TRAPPC9: variants seen among roughly 807,000 people sequenced by gnomAD.
TRAPPC9 encodes trafficking protein particle complex subunit 9, also known as IKK2 binding protein.
A neutral mutation model predicts 124.0 loss-of-function variants in TRAPPC9; 83 were observed. The ratio of observed to expected loss-of-function variants is 0.67; its 90% CI spans 0.56 to 0.80. The LOEUF is 0.80. Among genes scored for constraint, TRAPPC9 ranks in the 30% least tolerant of loss-of-function variants. The pLI, the probability that TRAPPC9 is intolerant of heterozygous loss-of-function variation, is 0.00. For synonymous variants in TRAPPC9, 638 were observed against 617.5 expected (o/e 1.03, Z -0.49); for missense variants, 1,302 against 1,508.3 (o/e 0.86, Z 2.27).
At chr8:139,971,334 C>G (rs1298399434) in intron 19 of TRAPPC9, among the ~76,000 whole-genome samples, 1 of 152,200 alleles carries the variant, frequency 6.6e-6, no homozygotes, top group African/African-American at 2.4e-5. Context: ...GCCTCGGGAA[C>G]CCAGTGTGCT....
At chr8:139,764,581 T>C (rs1253385963) in intron 21 of TRAPPC9, among the ~76,000 whole-genome samples, 1 of 152,226 alleles carries the variant, frequency 6.6e-6, no homozygotes, top group Non-Finnish European at 1.5e-5. Flanking sequence ...GAGGTGGTTC[T>C]GCCCCCTGTG....
intron 10 of TRAPPC9, among the ~76,000 whole-genome samples, chr8:140,308,893 G>T (rs1203463593): frequency 6.6e-6 from 1 of 150,750 alleles, no homozygotes; most frequent in Admixed American, 6.6e-5. Context: ...AAAAAAAAAA[G>T]AAAGAAAGAA....
intron 21 of TRAPPC9, among the ~76,000 whole-genome samples, chr8:139,794,882 C>T (rs1260916098): frequency 2.6e-5 from 4 of 152,220 alleles, no homozygotes; most frequent in African/African-American, 4.8e-5. Context: ...AGGCCATTCA[C>T]GTGGCAGAGG....
intron 17 of TRAPPC9, among the ~76,000 whole-genome samples, chr8:140,198,625 A>C (rs2062718243): frequency 6.6e-6 from 1 of 152,180 alleles, no homozygotes. Context: ...TTTGAGTAGT[A>C]ATAAAACCGG....
Position 140,052,211 on chromosome 8 carries a change from A to AAAC in TRAPPC9, c.2557-28135_2557-28133dup, listed in dbSNP as rs58435328. Among the ~76,000 whole-genome samples, 1,413 of 151,710 alleles carry AAAC rather than the reference A, an allele frequency of 9.3e-3. 19 individuals are homozygous for AAAC. The highest frequency in any genetic ancestry group is 0.021 in the Middle Eastern group (6 of 292). On this transcript the variant is annotated intron_variant, in intron 17 of 22. Transcript: ENST00000438773. The stretch of plus-strand genomic sequence containing the variant: ...GTATCTCATCACACGGTATTCTCCA[A>AAAC]AACAACAACAACAACAACAACAACA...
intron 17 of TRAPPC9, among the ~76,000 whole-genome samples, chr8:140,050,907 G>GT (rs1841956959): frequency 6.6e-6 from 1 of 152,186 alleles, no homozygotes; most frequent in Non-Finnish European, 1.5e-5. Context: ...TTCTCAGCTG[G>GT]GCATCTTGGC....
intron 21 of TRAPPC9, among the ~76,000 whole-genome samples, chr8:139,737,461 A>C (rs1586732187): frequency 4.1e-4 from 9 of 21,690 alleles, no homozygotes; most frequent in South Asian, 1.2e-3. Flanking sequence ...GGGGGTCATC[A>C]GCCCTCCCCC....
chr8:139,770,432 G>A (rs371546372), intron 21 of TRAPPC9, among the ~76,000 whole-genome samples: 1 of 152,248 alleles, frequency 6.6e-6, no homozygotes, highest in South Asian at 2.1e-4. Context: ...GATTCACAAT[G>A]GGAGTGTCAT....
chr8:139,763,550 T>G (rs548223796), intron 21 of TRAPPC9, among the ~76,000 whole-genome samples: 1 of 151,548 alleles, frequency 6.6e-6, no homozygotes, highest in African/African-American at 2.4e-5. Flanking sequence ...CGCCCATGGC[T>G]TCCAGTCTCT....
chr8:140,232,760 C>T (rs1002321145), intron 16 of TRAPPC9, among the ~76,000 whole-genome samples: 1 of 152,128 alleles, frequency 6.6e-6, no homozygotes, highest in East Asian at 1.9e-4. Context: ...AAATGAACAT[C>T]AATTCCCCAA....
Position 139,742,256 on chromosome 8 carries a change from T to C in TRAPPC9, c.3056-10054A>G, listed in dbSNP as rs1818610216. ...GCGGTTCTCACGTGCGTTCTCCCGA[T>C]CTACCCCCAACCGGCCATGCTGCCG... On this transcript the variant is annotated intron_variant, in intron 21 of 22. Coordinates refer to ENST00000438773, the MANE Select transcript of TRAPPC9 (RefSeq NM_001160372.4). The surrounding 1 kb of genome is among the most constrained non-coding windows in gnomAD (Gnocchi z 4.7). 6.6e-6 allele frequency among the ~76,000 whole-genome samples: 1 copy of C among 152,210 alleles called. No individual in the cohort carries two copies. The highest frequency in any genetic ancestry group is 1.5e-5 in the Non-Finnish European group (1 of 68,040).
chr8:140,018,340 T>TTTTTTTTTTTTTTTTTTTTG (rs1292894770), intron 18 of TRAPPC9, among the ~76,000 whole-genome samples: 1 of 114,934 alleles, frequency 8.7e-6, no homozygotes, highest in African/African-American at 2.6e-5. Context: ...TTTTTTTTTT[T>TTTTTTTTTTTTTTTTTTTTG]TGAGACGGAG....
At chr8:139,967,701 G>C (rs1300936654) in intron 19 of TRAPPC9, among the ~76,000 whole-genome samples, 1 of 152,228 alleles carries the variant, frequency 6.6e-6, no homozygotes, top group Non-Finnish European at 1.5e-5. Context: ...ACAACTGGCT[G>C]TTCATGGCCT....
chr8:140,300,679 A>G, intron 10 of TRAPPC9, 65 bp from the exon 11 acceptor site: 2 of 1,596,472 alleles, frequency 1.3e-6, no homozygotes, highest in Non-Finnish European at 8.6e-7. Context: ...GGATAAACAT[A>G]ACCAAACATG....
intron 17 of TRAPPC9, among the ~76,000 whole-genome samples, chr8:140,164,576 A>C (rs34583182): frequency 0.86 from 130,341 of 152,258 alleles, 55,952 homozygotes; most frequent in East Asian, 1. Context: ...GTGGCTGCTG[A>C]CATTCTGTGG....
rs67617366 is a variant in TRAPPC9, at chr8:139,971,766, T to TACACACACACACAC, written c.2810+16959_2810+16960insGTGTGTGTGTGTGT. Among the ~76,000 whole-genome samples the TACACACACACACAC allele has an allele frequency of 2.2e-3, 128 of 57,910 alleles. 2 individuals carry two copies. Among genetic ancestry groups the TACACACACACACAC allele is most frequent in the African/African-American group, 6.8e-3 (119 of 17,406 alleles). The allele number at this position is 57,910 out of a possible 152,430, so 38.0% of individuals were successfully genotyped here. On this transcript the variant is annotated intron_variant, in intron 19 of 22. Coordinates refer to ENST00000438773, the MANE Select transcript of TRAPPC9 (RefSeq NM_001160372.4). ...ATATATATACACACACACACACACA[T>TACACACACACACAC]ATATATATACACACACATATATACA...
At chr8:139,819,096 C>T (rs2130784572) in intron 21 of TRAPPC9, among the ~76,000 whole-genome samples, 1 of 152,328 alleles carries the variant, frequency 6.6e-6, no homozygotes, top group Non-Finnish European at 1.5e-5. Flanking sequence ...GTATTCCTGC[C>T]TGAGCTCTAC....
At chr8:140,456,650 C>T in intron 1 of TRAPPC9, 1 of 330,186 alleles carries the variant, frequency 3.0e-6, no homozygotes, top group African/African-American at 2.2e-5. Flanking sequence ...CGGCAATGTT[C>T]CTGGGCCTCC....
At chr8:139,744,841 T>G (rs571373778) in intron 21 of TRAPPC9, among the ~76,000 whole-genome samples, 1 of 152,338 alleles carries the variant, frequency 6.6e-6, no homozygotes, top group South Asian at 2.1e-4. Flanking sequence ...CTTTTACAAC[T>G]TTTCATTAAA....
Sources: gnomAD v4.1 joint callset for allele counts (sites outside exome capture counted in the v4.1 genomes callset) on GRCh38, gnomAD v4.1.1 for gene constraint, Gnocchi (gnomAD v3.1) non-coding constraint, MANE v1.5 for transcripts, NCBI Gene and HGNC (gene_info 2026-07-23, HGNC 2026-07-21) for gene names.